Variants in CPLX2 observed in about 807,000 individuals in gnomAD.
CPLX2 encodes complexin-2.
CPLX2 carries 5 observed loss-of-function variants against 16.3 expected under a neutral mutation model. That is an observed-to-expected ratio of 0.31 (90% CI 0.16 to 0.64). The LOEUF (loss-of-function observed/expected upper bound fraction) is 0.64. CPLX2 is among the 30% of genes least tolerant of loss of function. The pLI, the probability that CPLX2 is intolerant of heterozygous loss-of-function variation, is 0.79. For missense variants in CPLX2, 144 were observed against 181.4 expected, an observed-to-expected ratio of 0.79 and a Z score of 1.18; for synonymous variants, 89 against 73.2, an observed-to-expected ratio of 1.22 and a Z score of -1.10.
chr5:175,838,665 G>C (rs1435329091), intron 2 of CPLX2, among the ~76,000 whole-genome samples: 1 of 152,178 alleles, frequency 6.6e-6, no homozygotes, highest in Non-Finnish European at 1.5e-5. Context: ...GTGACCACAT[G>C]GTTTTCCAGC....
At chr5:175,814,681 G>A (rs1758373410) in intron 2 of CPLX2, among the ~76,000 whole-genome samples, 1 of 152,184 alleles carries the variant, frequency 6.6e-6, no homozygotes, top group Non-Finnish European at 1.5e-5. Context: ...GGTTATCGAG[G>A]TTATCAGATG....
intron 1 of CPLX2, among the ~76,000 whole-genome samples, chr5:175,797,489 C>G (rs1390282789): frequency 6.6e-6 from 1 of 152,196 alleles, no homozygotes; most frequent in Non-Finnish European, 1.5e-5. Flanking sequence ...TGCGCCGCCC[C>G]GTCTTCCCTC....
intron 2 of CPLX2, among the ~76,000 whole-genome samples, chr5:175,820,665 CCA>C (rs1193848498): frequency 6.6e-6 from 1 of 152,142 alleles, no homozygotes; most frequent in African/African-American, 2.4e-5. Flanking sequence ...CCGCCCCCTA[CCA>C]CACACAGCCC....
At chr5:175,824,383 G>C (rs1758568755) in intron 2 of CPLX2, among the ~76,000 whole-genome samples, 1 of 152,230 alleles carries the variant, frequency 6.6e-6, no homozygotes, top group African/African-American at 2.4e-5. Flanking sequence ...CTTGCTGCCA[G>C]AAAGTGCCCT....
intron 2 of CPLX2, among the ~76,000 whole-genome samples, chr5:175,853,284 G>A (rs59251601): frequency 0.12 from 18,612 of 152,194 alleles, 1,658 homozygotes; most frequent in East Asian, 0.5. Flanking sequence ...CAGTCAAGCC[G>A]GGGACACACT....
At chr5:175,859,906 A>G (rs970231730) in intron 2 of CPLX2, among the ~76,000 whole-genome samples, 2 of 152,248 alleles carry the variant, frequency 1.3e-5, no homozygotes, top group Non-Finnish European at 2.9e-5. Context: ...ACACAGCTCC[A>G]AAGTTACAGA....
intron 2 of CPLX2, among the ~76,000 whole-genome samples, chr5:175,862,649 T>C (rs1759394590): frequency 6.6e-6 from 1 of 152,194 alleles, no homozygotes; most frequent in Non-Finnish European, 1.5e-5. Flanking sequence ...CTGAAGGCAA[T>C]GGGAAGGCAT....
At chr5:175,823,675 G>C (rs370776779) in intron 2 of CPLX2, among the ~76,000 whole-genome samples, 1 of 152,148 alleles carries the variant, frequency 6.6e-6, no homozygotes, top group African/African-American at 2.4e-5. Context: ...GCAGCAAAGT[G>C]GGGGGAGCCA....
At chr5:175,813,258 A>T (rs890476623) in intron 2 of CPLX2, among the ~76,000 whole-genome samples, 8 of 152,276 alleles carry the variant, frequency 5.3e-5, no homozygotes, top group Non-Finnish European at 2.9e-5. Context: ...CTCTGAAAAT[A>T]AAATTGTGAT....
intron 1 of CPLX2, among the ~76,000 whole-genome samples, chr5:175,800,755 C>T (rs1399653061): frequency 6.6e-6 from 1 of 152,218 alleles, no homozygotes; most frequent in Non-Finnish European, 1.5e-5. Flanking sequence ...GATGGTGATA[C>T]AGCAGAACAA....
rs933334885 is a variant in CPLX2, at chr5:175,845,278, G to T, written c.-88-33374G>T. ...AACCCTACAAGGATCCACTATTCTT[G>T]GACTAAAACCCACAGCCCACTCTGG... On this transcript the variant is annotated intron_variant, in intron 2 of 4. Coordinates refer to the CPLX2 transcript ENST00000359546. This position sits in a 1 kb window ranked among gnomAD's most constrained non-coding sequence, Gnocchi z 4.0. Among the ~76,000 whole-genome samples, 25 of 152,298 alleles carry T rather than the reference G, an allele frequency of 1.6e-4. No individual in the cohort carries two copies. Among genetic ancestry groups the T allele is most frequent in the African/African-American group, 6.0e-4 (25 of 41,548 alleles).
rs1249795029 is a variant in CPLX2, at chr5:175,849,086, C to T, written c.-88-29566C>T. Among the ~76,000 whole-genome samples the T allele has an allele frequency of 6.6e-6, 1 of 152,214 alleles. No individual in the cohort carries two copies. The highest frequency in any genetic ancestry group is 1.9e-4 in the East Asian group (1 of 5,196). On this transcript the variant is annotated intron_variant, in intron 2 of 4. Transcript: ENST00000359546. This position sits in a 1 kb window ranked among gnomAD's most constrained non-coding sequence, Gnocchi z 4.4. ...GTGTGTCGTGATCTAACTTACACTT[C>T]TCAGGATCCCTCCTCTGCTGTGGGA... is the stretch of plus-strand genomic sequence containing the variant.
chr5:175,839,276 T>TTTG (rs1554119917), intron 2 of CPLX2, among the ~76,000 whole-genome samples: 9 of 151,630 alleles, frequency 5.9e-5, no homozygotes, highest in African/African-American at 2.2e-4. Flanking sequence ...TGTTTTTTTG[T>TTTG]TTTGTTTGTT....
chr5:175,820,618 G>C (rs1278929260), intron 2 of CPLX2, among the ~76,000 whole-genome samples: 2 of 152,190 alleles, frequency 1.3e-5, no homozygotes, highest in Admixed American at 6.5e-5. Flanking sequence ...GCTGTGGTTA[G>C]TAAAGTGCTT....
intron 1 of CPLX2, among the ~76,000 whole-genome samples, chr5:175,808,556 T>C (rs546154288): frequency 1.3e-5 from 2 of 152,122 alleles, no homozygotes; most frequent in Non-Finnish European, 2.9e-5. Flanking sequence ...ATGAGGCCAG[T>C]AGTATTAGGC....
intron 1 of CPLX2, among the ~76,000 whole-genome samples, chr5:175,875,937 G>T (rs1759746494): frequency 6.6e-6 from 1 of 152,010 alleles, no homozygotes; most frequent in African/African-American, 2.4e-5. Context: ...ACTGGTGGAG[G>T]GGTGGCAGTG....
intron 2 of CPLX2, among the ~76,000 whole-genome samples, chr5:175,831,098 C>CTG (rs1317169243): frequency 2.0e-5 from 3 of 147,722 alleles, no homozygotes; most frequent in African/African-American, 7.6e-5. Flanking sequence ...GTCAGCTTGC[C>CTG]TCTGTGTGTG....
intron 2 of CPLX2, among the ~76,000 whole-genome samples, chr5:175,839,261 A>T (rs899059199): frequency 1.3e-4 from 20 of 151,708 alleles, no homozygotes; most frequent in African/African-American, 4.9e-4. Flanking sequence ...TTTTCCATGA[A>T]TTTTTGTTTT....
intron 2 of CPLX2, among the ~76,000 whole-genome samples, chr5:175,816,024 C>A (rs983999857): frequency 6.6e-6 from 1 of 152,208 alleles, no homozygotes; most frequent in African/African-American, 2.4e-5. Context: ...TGACTTAATA[C>A]AACAAAGATT....
Sources: gnomAD v4.1 joint callset for allele counts (sites outside exome capture counted in the v4.1 genomes callset) on GRCh38, gnomAD v4.1.1 for gene constraint, Gnocchi (gnomAD v3.1) non-coding constraint, MANE v1.5 for transcripts, NCBI Gene and HGNC (gene_info 2026-07-23, HGNC 2026-07-21) for gene names.